ADGRL3: variants seen among roughly 807,000 people sequenced by gnomAD.
ADGRL3 encodes adhesion G protein-coupled receptor L3, also known as calcium-independent alpha-latrotoxin receptor 3.
Under a neutral mutation model 153.5 loss-of-function variants are expected in ADGRL3, and 62 were observed. The ratio of observed to expected loss-of-function variants is 0.40; its 90% confidence interval spans 0.33 to 0.50. ADGRL3 has a LOEUF of 0.50. Ranked by LOEUF, ADGRL3 falls within the 20% of genes least tolerant of loss-of-function variation. The pLI, the probability that ADGRL3 is intolerant of heterozygous loss-of-function variation, is 0.47. For synonymous variants in ADGRL3, 710 were observed against 672.5 expected, an observed-to-expected ratio of 1.06 and a Z score of -0.86; for missense variants, 1,641 against 1,859.4, an observed-to-expected ratio of 0.88 and a Z score of 2.16.
intron 2 of ADGRL3, among the ~76,000 whole-genome samples, chr4:61,457,192 C>CT (rs2097764760): frequency 6.6e-6 from 1 of 151,788 alleles, no homozygotes; most frequent in African/African-American, 2.4e-5. Flanking sequence ...CAATTTAATA[C>CT]TTTTTTAACA....
chr4:61,387,949 A>C (rs901012631), intron 2 of ADGRL3, among the ~76,000 whole-genome samples: 7 of 152,168 alleles, frequency 4.6e-5, no homozygotes, highest in African/African-American at 9.7e-5. Context: ...AGAAATTATG[A>C]AAGTATTAAT....
At chr4:62,061,064 T>C (rs1384374213) in intron 25 of ADGRL3, among the ~76,000 whole-genome samples, 1 of 151,942 alleles carries the variant, frequency 6.6e-6, no homozygotes, top group Admixed American at 6.6e-5. Context: ...AGGTGTTCAT[T>C]TTTTCAATGT....
chr4:61,547,477 T>A (rs1241159707), intron 4 of ADGRL3, among the ~76,000 whole-genome samples: 1 of 152,010 alleles, frequency 6.6e-6, no homozygotes. Context: ...TGTGTCTGTA[T>A]GTTTAACTCC....
At chr4:61,333,617 A>G (rs1482779558) in intron 1 of ADGRL3, among the ~76,000 whole-genome samples, 3 of 151,816 alleles carry the variant, frequency 2.0e-5, no homozygotes, top group African/African-American at 7.3e-5. Flanking sequence ...GTTTTTTGAC[A>G]GGATTTCACT....
At chr4:62,037,150 G>C (rs559535331) in intron 23 of ADGRL3, among the ~76,000 whole-genome samples, 1 of 152,024 alleles carries the variant, frequency 6.6e-6, no homozygotes, top group East Asian at 1.9e-4. Context: ...TCTTTTAAGA[G>C]AAATAAACTT....
intron 6 of ADGRL3, among the ~76,000 whole-genome samples, chr4:61,693,631 G>A (rs1034621828): frequency 6.6e-6 from 1 of 152,176 alleles, no homozygotes; most frequent in Non-Finnish European, 1.5e-5. Context: ...TGCGGATGAG[G>A]TATTGATGTT....
chr4:61,769,607 C>G (rs936748083), intron 8 of ADGRL3, among the ~76,000 whole-genome samples: 7 of 152,176 alleles, frequency 4.6e-5, no homozygotes, highest in Middle Eastern at 3.4e-3. Flanking sequence ...CTGTTGCTCA[C>G]TTCACCTGGG....
chr4:61,675,393 A>G (rs2095151881), intron 5 of ADGRL3, among the ~76,000 whole-genome samples: 1 of 151,946 alleles, frequency 6.6e-6, no homozygotes, highest in Admixed American at 6.6e-5. Context: ...TGCCAATATT[A>G]TGGGTAGGAA....
chr4:61,641,647 T>C (rs2150179746), intron 5 of ADGRL3, among the ~76,000 whole-genome samples: 1 of 152,122 alleles, frequency 6.6e-6, no homozygotes, highest in South Asian at 2.1e-4. Flanking sequence ...TAGTATTCCA[T>C]GGTGTATATG....
At chr4:62,037,227 T>G (rs1424972714) in intron 23 of ADGRL3, among the ~76,000 whole-genome samples, 1 of 152,088 alleles carries the variant, frequency 6.6e-6, no homozygotes, top group Admixed American at 6.6e-5. Flanking sequence ...TTTAAATATC[T>G]TTTCTCTGCT....
intron 1 of ADGRL3, among the ~76,000 whole-genome samples, chr4:61,322,529 A>C (rs774119745): frequency 6.6e-6 from 1 of 152,246 alleles, no homozygotes; most frequent in Non-Finnish European, 1.5e-5. Context: ...TCCTAGATGC[A>C]ATGGGAATAC....
chr4:61,626,463 G>C (rs2092835550), intron 5 of ADGRL3, among the ~76,000 whole-genome samples: 2 of 151,732 alleles, frequency 1.3e-5, no homozygotes, highest in Admixed American at 1.3e-4. Context: ...TATCCTATTA[G>C]TACTGTCTAC....
intron 6 of ADGRL3, among the ~76,000 whole-genome samples, chr4:61,712,821 C>A (rs933678349): frequency 1.3e-5 from 2 of 152,138 alleles, no homozygotes; most frequent in African/African-American, 4.8e-5. Flanking sequence ...GTTTTAGTTC[C>A]TTTTGTCTCT....
intron 4 of ADGRL3, among the ~76,000 whole-genome samples, chr4:61,525,600 A>G (rs559402794): frequency 6.8e-4 from 104 of 152,236 alleles, no homozygotes; most frequent in Non-Finnish European, 4.4e-4. Context: ...TTAAAAGTAG[A>G]GAGCTCAGTT....
chr4:61,646,759 A>T (rs559258102), intron 5 of ADGRL3, among the ~76,000 whole-genome samples: 23 of 152,256 alleles, frequency 1.5e-4, no homozygotes, highest in African/African-American at 5.5e-4. Context: ...CCAGAGGTGG[A>T]GCCTACAGAG....
Position 62,022,116 on chromosome 4 carries a change from G to A in ADGRL3, c.3396-6739G>A, listed in dbSNP as rs192889001. Among the ~76,000 whole-genome samples, 7 of 149,614 alleles carry A rather than the reference G, an allele frequency of 4.7e-5. No individual in the cohort carries two copies. In the East Asian group the frequency reaches 1.5e-3, roughly 32 times the overall value. Reference sequence around the variant, plus strand: ...GTAAGGTTCTTGAAGGAAATTGAAAGTACTAATCTATTGAACACATGAATA... The same window carrying A: ...GTAAGGTTCTTGAAGGAAATTGAAAATACTAATCTATTGAACACATGAATA... On this transcript the variant is annotated intron_variant, in intron 21 of 26. Transcript: ENST00000683033.
At chr4:61,226,541 G>C (rs1265764821) in intron 1 of ADGRL3, among the ~76,000 whole-genome samples, 1 of 152,148 alleles carries the variant, frequency 6.6e-6, no homozygotes, top group South Asian at 2.1e-4. Flanking sequence ...TAGTGGAAGA[G>C]AGTTCATTTT....
Position 61,356,157 on chromosome 4 carries a change from A to G in ADGRL3, c.-239-26967A>G, listed in dbSNP as rs2096162862. 3.3e-5 allele frequency among the ~76,000 whole-genome samples: 5 copies of G among 152,170 alleles called. 1 individual carries two copies. The highest frequency in any genetic ancestry group is 6.5e-5 in the Admixed American group (1 of 15,290). On this transcript the variant is annotated intron_variant, in intron 1 of 26. Transcript: ENST00000683033. ...TGACTCTTTTCTTTCTTCCTAAAACAGAAGAACATAAAATCTTTTGCCACT... is the reference window on the plus strand; with the variant it reads ...TGACTCTTTTCTTTCTTCCTAAAACGGAAGAACATAAAATCTTTTGCCACT...
At chr4:61,409,792 G>A (rs1330600014) in intron 2 of ADGRL3, among the ~76,000 whole-genome samples, 1 of 151,928 alleles carries the variant, frequency 6.6e-6, no homozygotes, top group Non-Finnish European at 1.5e-5. Context: ...TAATCCAAAA[G>A]AAGAATGGGT....
Sources: allele counts gnomAD v4.1 joint callset (sites outside exome capture counted in the v4.1 genomes callset), GRCh38; gene constraint gnomAD v4.1.1; transcripts MANE v1.5; gene names NCBI Gene and HGNC (gene_info 2026-07-23, HGNC 2026-07-21).